CDH17: variants seen among roughly 807,000 people sequenced by gnomAD.
The protein encoded by CDH17 is cadherin-17.
In CDH17, 67 loss-of-function variants were observed where a neutral mutation model predicts 86.3. The observed-to-expected ratio is 0.78, with a 90% CI of 0.64 to 0.95. The LOEUF (loss-of-function observed/expected upper bound fraction) is 0.95, where lower values mean the gene tolerates loss of function less well. Ranked by LOEUF, CDH17 falls within the 40% of genes least tolerant of loss-of-function variation. CDH17 has a pLI of 0.00. For synonymous variants in CDH17, 367 were observed against 366.4 expected (o/e 1.00, Z -0.02); for missense variants, 993 against 1,017.6 (o/e 0.98, Z 0.33).
chr8:94,164,095 T>C (rs1393697910), intron 10 of CDH17, among the ~76,000 whole-genome samples: 1 of 152,248 alleles, frequency 6.6e-6, no homozygotes, highest in African/African-American at 2.4e-5. Context: ...CAATTTGTAA[T>C]CTGATTCCCA....
At chr8:94,185,276 T>TACACACAC (rs71277462) in intron 3 of CDH17, among the ~76,000 whole-genome samples, 290 of 136,860 alleles carry the variant, frequency 2.1e-3, no homozygotes, top group African/African-American at 7.0e-3. Flanking sequence ...CCTACCCCAA[T>TACACACAC]ACACACACAC....
chr8:94,174,017 G>A (rs1200883300), intron 6 of CDH17, 21 bp from the exon 7 acceptor site: 1 of 1,611,080 alleles, frequency 6.2e-7, no homozygotes, highest in Non-Finnish European at 8.5e-7. Context: ...TAGGGGAGAA[G>A]GGAATAGGAA....
rs112773398 is a variant in CDH17 at position 94,180,575 on chromosome 8, T to C, written c.151-2854A>G. ...ATTAACAGCTAATTTTCCATGGAGATCAGAAGGCAGTGGAATGACACATTC... is the reference window on the plus strand; with the variant it reads ...ATTAACAGCTAATTTTCCATGGAGACCAGAAGGCAGTGGAATGACACATTC... On this transcript the variant is annotated intron_variant, in intron 3 of 17. Transcript: ENST00000027335. Among the ~76,000 whole-genome samples the C allele has an allele frequency of 5.1e-3, 769 of 152,114 alleles. 8 individuals are homozygous for C. Among genetic ancestry groups the C allele is most frequent in the African/African-American group, 0.017 (716 of 41,494 alleles).
intron 1 of CDH17, among the ~76,000 whole-genome samples, chr8:94,201,327 G>A (rs143124818): frequency 6.6e-6 from 1 of 152,182 alleles, no homozygotes; most frequent in Non-Finnish European, 1.5e-5. Context: ...CCCTCAAAAA[G>A]CATATGTTGG....
In CDH17 at chr8:94,130,657, A is replaced by G; in HGVS notation, c.2367T>C (p.Val789=). ...CCAGAAGGGTGGTCAGCAGTATACCAACTGCCATGCCCACAGTGGGTATCC... is the reference window on the plus strand; with the variant it reads ...CCAGAAGGGTGGTCAGCAGTATACCGACTGCCATGCCCACAGTGGGTATCC... ...QTGIPTVGMA[V]GILLTTLLVI... The change falls in exon 17 of 18, where the codon GTT becomes GTC. Residue 789 remains valine, a synonymous_variant. Transcript: ENST00000027335. The G allele has an allele frequency of 6.2e-7, 1 of 1,613,244 alleles. No individual in the cohort carries two copies. The highest frequency in any genetic ancestry group is 8.5e-7 in the Non-Finnish European group (1 of 1,179,364).
At chr8:94,195,375 C>A (rs1176190051) in intron 1 of CDH17, among the ~76,000 whole-genome samples, 1 of 152,090 alleles carries the variant, frequency 6.6e-6, no homozygotes, top group Admixed American at 6.5e-5. Flanking sequence ...CATTTTGATT[C>A]AAAGCCACAA....
At chr8:94,216,064 G>A (rs1814189785) in intron 1 of CDH17, among the ~76,000 whole-genome samples, 1 of 152,082 alleles carries the variant, frequency 6.6e-6, no homozygotes, top group East Asian at 1.9e-4. Flanking sequence ...AGATAAACTT[G>A]ACTCAACTGC....
At chr8:94,154,343 T>C (rs1181740939) in intron 12 of CDH17, among the ~76,000 whole-genome samples, 1 of 152,214 alleles carries the variant, frequency 6.6e-6, no homozygotes, top group African/African-American at 2.4e-5. Flanking sequence ...GGACACTTCA[T>C]TTATTCAACA....
intron 15 of CDH17, among the ~76,000 whole-genome samples, chr8:94,137,860 CA>C (rs1403316561): frequency 1.3e-5 from 2 of 152,140 alleles, no homozygotes. Context: ...TTTATAAACA[CA>C]ATCTGCAAAT....
At chr8:94,140,601 T>C (rs979628052) in intron 15 of CDH17, among the ~76,000 whole-genome samples, 2 of 151,772 alleles carry the variant, frequency 1.3e-5, no homozygotes, top group African/African-American at 4.8e-5. Context: ...GCCAGTGAAA[T>C]ATAAAACAAA....
At chr8:94,154,902 C>G (rs760617178) in intron 12 of CDH17, among the ~76,000 whole-genome samples, 1 of 152,114 alleles carries the variant, frequency 6.6e-6, no homozygotes, top group African/African-American at 2.4e-5. Context: ...CCTTGAGGGC[C>G]TCCATGGAGA....
chr8:94,170,427 C>T lies in CDH17; in HGVS notation c.1036G>A (p.Val346Ile), dbSNP rs775593027. The T allele has an allele frequency of 1.1e-5, 18 of 1,599,304 alleles. 1 individual carries two copies. The Admixed American group carries it at 1.3e-4, about 12-fold the overall frequency. ...CGTTCATTCTCCTGGACCTCAAATACGGTTACTGGTGACGGACATGTAGGT... is the reference window on the plus strand; with the variant it reads ...CGTTCATTCTCCTGGACCTCAAATATGGTTACTGGTGACGGACATGTAGGT... ...NPPTCPSPVTVFEVQENERLG... is the reference protein window; with the variant it reads ...NPPTCPSPVTIFEVQENERLG... The change falls in exon 9 of 18, where the codon GTA (valine) becomes ATA (isoleucine). Residue 346 changes from valine to isoleucine, a missense_variant. Coordinates refer to ENST00000027335, the MANE Select transcript of CDH17 (RefSeq NM_004063.4).
Position 94,162,402 on chromosome 8 carries a change from C to T in CDH17, c.1283-240G>A, listed in dbSNP as rs75401734. On this transcript the variant is annotated intron_variant, in intron 10 of 17. Transcript: ENST00000027335. ...GAGATTTTTCTAGGTTTTTCATTGC[C>T]GTCCACCTGCTGTCCTCCTAAGTAA... 1.1e-3 allele frequency among the ~76,000 whole-genome samples: 172 copies of T among 152,256 alleles called. 1 individual carries two copies. The East Asian group carries it at 0.012, about 10-fold the overall frequency.
intron 2 of CDH17, among the ~76,000 whole-genome samples, chr8:94,191,459 T>C (rs1478447070): frequency 6.6e-6 from 1 of 151,514 alleles, no homozygotes; most frequent in Non-Finnish European, 1.5e-5. Flanking sequence ...CTTTTTTTTT[T>C]TTTTTTTTTG....
intron 5 of CDH17, among the ~76,000 whole-genome samples, chr8:94,175,326 CAG>C (rs2130643669): frequency 6.6e-6 from 1 of 152,140 alleles, no homozygotes; most frequent in Admixed American, 6.5e-5. Flanking sequence ...ACACATTTAG[CAG>C]AGTCTGTGTG....
intron 17 of CDH17, 42 bp downstream of exon 17, chr8:94,130,584 A>T (rs1358621751): frequency 7.4e-7 from 1 of 1,354,506 alleles, no homozygotes; most frequent in South Asian, 1.2e-5. Context: ...CACATTTCTG[A>T]GGCCCAGGAT....
chr8:94,176,358 T>C (rs1813370750), intron 5 of CDH17, among the ~76,000 whole-genome samples, 183 bp downstream of exon 5: 2 of 152,180 alleles, frequency 1.3e-5, no homozygotes, highest in South Asian at 2.1e-4. Flanking sequence ...CAATACATAG[T>C]GCTGCATTGA....
chr8:94,208,279 C>T (rs904814608), intron 1 of CDH17, among the ~76,000 whole-genome samples: 3 of 152,088 alleles, frequency 2.0e-5, no homozygotes, highest in African/African-American at 7.2e-5. Flanking sequence ...AAATATGGAC[C>T]AATGAAAAGA....
At chr8:94,184,953 G>A (rs1044257357) in intron 3 of CDH17, among the ~76,000 whole-genome samples, 3 of 152,142 alleles carry the variant, frequency 2.0e-5, no homozygotes, top group Non-Finnish European at 2.9e-5. Context: ...TGCTGGATGA[G>A]AGGATCTGTA....
Sources: allele counts gnomAD v4.1 joint callset (sites outside exome capture counted in the v4.1 genomes callset), GRCh38; gene constraint gnomAD v4.1.1; transcripts MANE v1.5; gene names NCBI Gene and HGNC (gene_info 2026-07-23, HGNC 2026-07-21).